NREP: variants seen among roughly 807,000 people sequenced by gnomAD.
NREP encodes the protein neuronal regeneration-related protein.
A neutral mutation model predicts 8.6 loss-of-function variants in NREP; 5 were observed. That is an observed-to-expected ratio of 0.58 (90% CI 0.30 to 1.22). The LOEUF (loss-of-function observed/expected upper bound fraction) is 1.22, where lower values mean the gene tolerates loss of function less well. Among genes scored for constraint, NREP ranks in the 50% most tolerant of loss-of-function variants. The pLI is 0.07. For synonymous variants in NREP, 27 were observed against 28.0 expected (o/e 0.96, Z 0.11); for missense variants, 86 against 82.5 (o/e 1.04, Z -0.17).
chr5:111,969,154 C>T (rs1756730337), intron 2 of NREP, among the ~76,000 whole-genome samples: 1 of 152,174 alleles, frequency 6.6e-6, no homozygotes, highest in African/African-American at 2.4e-5. Flanking sequence ...AAAAATGTTT[C>T]TAATGGTGGA....
At chr5:111,891,061 C>T (rs899993436) in intron 2 of NREP, among the ~76,000 whole-genome samples, 1 of 152,218 alleles carries the variant, frequency 6.6e-6, no homozygotes, top group Non-Finnish European at 1.5e-5. Flanking sequence ...CTCTGCTTCC[C>T]CTTTAAATAT....
At chr5:111,834,480 CTAAT>C in intron 2 of NREP, among the ~76,000 whole-genome samples, 1 of 152,254 alleles carries the variant, frequency 6.6e-6, no homozygotes, top group Admixed American at 6.5e-5. Flanking sequence ...AGGCCATAGA[CTAAT>C]TAAGAAAATG....
intron 2 of NREP, among the ~76,000 whole-genome samples, chr5:111,904,878 T>C (rs1301427801): frequency 6.6e-6 from 1 of 152,088 alleles, no homozygotes; most frequent in Non-Finnish European, 1.5e-5. Flanking sequence ...ACAGTATCTG[T>C]CTCTCAGGCT....
rs186612227 is a variant in NREP at position 111,826,553 on chromosome 5, T to G, written c.136-91046A>C. ...CATCTGAACATCTGAAGGAACAAAC[T>G]CAGGACACACCATCTTTAAGAACTT... On this transcript the variant is annotated intron_variant, in intron 2 of 3. Coordinates refer to the NREP transcript ENST00000395634. Among the ~76,000 whole-genome samples the G allele has an allele frequency of 1.7e-3, 258 of 152,228 alleles. 1 individual carries two copies. Among genetic ancestry groups the G allele is most frequent in the African/African-American group, 6.0e-3 (248 of 41,536 alleles).
chr5:111,807,111 T>C (rs1162780623), intron 2 of NREP, among the ~76,000 whole-genome samples: 1 of 151,962 alleles, frequency 6.6e-6, no homozygotes, highest in Non-Finnish European at 1.5e-5. Context: ...ACCTAATTTA[T>C]CTTAAAAACA....
chr5:111,937,323 T>A (rs1378732636), intron 2 of NREP, among the ~76,000 whole-genome samples: 2 of 152,126 alleles, frequency 1.3e-5, no homozygotes, highest in Admixed American at 1.3e-4. Context: ...ATTAGCAGAA[T>A]CCTGCACGTA....
chr5:111,758,557 G>A (rs546442922), upstream of NREP, among the ~76,000 whole-genome samples: 1 of 152,272 alleles, frequency 6.6e-6, no homozygotes. Context: ...TGTCACAGGA[G>A]AAGATTATTT....
chr5:111,900,479 GT>G lies in NREP; in HGVS notation c.135+74794del, dbSNP rs577011646. On this transcript the variant is annotated intron_variant, in intron 2 of 3. Transcript: ENST00000395634. ...ATACAAAGGATCAAGAAAATGAAAA[GT>G]TTTTTTTTAAAAAAGGATAAGTTGA... is the stretch of plus-strand genomic sequence containing the variant. Among the ~76,000 whole-genome samples, 10 of 151,218 alleles carry G rather than the reference GT, an allele frequency of 6.6e-5. No homozygotes were observed. In the East Asian group the frequency reaches 1.2e-3, roughly 18 times the overall value.
In NREP at chr5:111,764,298, T is replaced by C. The variant is rs552503279; in HGVS notation, c.136-28791A>G. On this transcript the variant is annotated intron_variant, in intron 2 of 3. Coordinates refer to the NREP transcript ENST00000395634. ...GGTTGGCCCAAAAAGAAAGGGCTGA[T>C]TGAAGGCTGTATTATTCTGTTTTCA... Among the ~76,000 whole-genome samples, 8 of 152,280 alleles carry C rather than the reference T, an allele frequency of 5.3e-5. 1 individual carries two copies. Among genetic ancestry groups the C allele is most frequent in the Admixed American group, 4.6e-4 (7 of 15,296 alleles).
At chr5:111,899,741 TG>T (rs766629512) in intron 2 of NREP, among the ~76,000 whole-genome samples, 2 of 152,096 alleles carry the variant, frequency 1.3e-5, no homozygotes, top group Non-Finnish European at 2.9e-5. Context: ...AGTTTTAAAA[TG>T]GGAAAAACAT....
chr5:111,794,804 G>A (rs867420530), intron 2 of NREP, among the ~76,000 whole-genome samples: 1 of 152,106 alleles, frequency 6.6e-6, no homozygotes, highest in Admixed American at 6.6e-5. Context: ...AGCACCAGGA[G>A]TGAACCCTAA....
At position 111,883,254 on chromosome 5, in the gene NREP, A is replaced by C. The variant is rs1035712281; in HGVS notation, c.135+92020T>G. 6.0e-4 allele frequency among the ~76,000 whole-genome samples: 91 copies of C among 152,378 alleles called. 1 individual carries two copies. Among genetic ancestry groups the C allele is most frequent in the Admixed American group, 1.4e-3 (22 of 15,314 alleles). ...CCATTACATAATGGTAAAGGGATCA[A>C]TTCAATGAGAAGAGCTAACTATCCT... On this transcript the variant is annotated intron_variant, in intron 2 of 3. Transcript: ENST00000395634.
At chr5:111,946,338 G>A (rs1295654633) in intron 2 of NREP, among the ~76,000 whole-genome samples, 1 of 151,872 alleles carries the variant, frequency 6.6e-6, no homozygotes, top group Non-Finnish European at 1.5e-5. Flanking sequence ...AATGGCAAAT[G>A]TTTGAAGTGT....
upstream of NREP, chr5:111,757,420 C>T (rs897587837): frequency 1.0e-6 from 1 of 983,236 alleles, no homozygotes; most frequent in Non-Finnish European, 1.2e-6. Context: ...CTCTCTTTCT[C>T]TAAGAGTCTC....
intron 2 of NREP, among the ~76,000 whole-genome samples, chr5:111,882,698 C>A (rs35925290): frequency 0.64 from 95,793 of 150,620 alleles, 30,846 homozygotes; most frequent in Non-Finnish European, 0.7. Flanking sequence ...AAGAATTTTC[C>A]ACCCAGAATT....
intron 2 of NREP, among the ~76,000 whole-genome samples, chr5:111,921,675 A>G (rs1426452411): frequency 6.6e-6 from 1 of 152,160 alleles, no homozygotes; most frequent in Non-Finnish European, 1.5e-5. Flanking sequence ...CTAGTCCTTC[A>G]GCCCTGGTCC....
intron 2 of NREP, among the ~76,000 whole-genome samples, chr5:111,957,972 A>T (rs1248311132): frequency 2.0e-5 from 3 of 151,942 alleles, no homozygotes; most frequent in Non-Finnish European, 4.4e-5. Flanking sequence ...ATTCATGATT[A>T]AAAGAAAGAA....
At chr5:111,906,924 T>G (rs1754792366) in intron 2 of NREP, among the ~76,000 whole-genome samples, 1 of 152,028 alleles carries the variant, frequency 6.6e-6, no homozygotes, top group Non-Finnish European at 1.5e-5. Context: ...TCTTTCCTTT[T>G]ACAAAAATAT....
At chr5:111,781,257 G>A (rs779448418) in intron 2 of NREP, among the ~76,000 whole-genome samples, 5 of 152,020 alleles carry the variant, frequency 3.3e-5, no homozygotes, top group African/African-American at 7.3e-5. Context: ...TCTGAGGCTC[G>A]GTCAAAAAGG....
Sources: gnomAD v4.1 joint callset for allele counts (sites outside exome capture counted in the v4.1 genomes callset) on GRCh38, gnomAD v4.1.1 for gene constraint, MANE v1.5 for transcripts, NCBI Gene and HGNC (gene_info 2026-07-23, HGNC 2026-07-21) for gene names.